POLQ: variants seen among roughly 807,000 people sequenced by gnomAD.
POLQ encodes epididymis secretory sperm binding protein.
POLQ carries 233 observed loss-of-function variants against 259.2 expected under a neutral mutation model. The observed-to-expected ratio is 0.90, with a 90% confidence interval of 0.81 to 1.00. The LOEUF (loss-of-function observed/expected upper bound fraction) is 1.00, where lower values mean the gene tolerates loss of function less well. Ranked by LOEUF, POLQ falls within the 50% of genes least tolerant of loss-of-function variation. The pLI, the probability that POLQ is intolerant of heterozygous loss-of-function variation, is 0.00. For synonymous variants in POLQ, 1,025 were observed against 1,048.8 expected, an observed-to-expected ratio of 0.98 and a Z score of 0.44; for missense variants, 2,871 against 3,051.6, an observed-to-expected ratio of 0.94 and a Z score of 1.39.
chr3:121,501,423 G>C (rs2048166608), intron 12 of POLQ, among the ~76,000 whole-genome samples: 1 of 151,152 alleles, frequency 6.6e-6, no homozygotes, highest in South Asian at 2.1e-4. Context: ...ACTTTGGGAG[G>C]CCGAGGCGGG....
At position 121,489,428 on chromosome 3, in the gene POLQ, A is replaced by G. The variant is rs1376864025; in HGVS notation, c.3503T>C (p.Ile1168Thr). 2.5e-6 allele frequency: 4 copies of G among 1,613,862 alleles called. No homozygotes were observed. Among genetic ancestry groups the G allele is most frequent in the Non-Finnish European group, 3.4e-6 (4 of 1,179,954 alleles). Residue 1168 changes from isoleucine to threonine, a missense_variant, in exon 16 of 30, where the codon ATA (isoleucine) becomes ACA (threonine). By Grantham distance (89) the Ile-to-Thr change is moderately conservative (BLOSUM62 -1). Coordinates refer to ENST00000264233, the MANE Select transcript of POLQ (RefSeq NM_199420.4). ...ACCATTTTGTATCAGCACTTCATTT[A>G]TTTTTTCTGCCTCAACAGCTACTCC... ...GRGVAVEAEKINEVLIQNGSK... is the reference protein window; with the variant it reads ...GRGVAVEAEKTNEVLIQNGSK...
At position 121,487,301 on chromosome 3, in the gene POLQ, C is replaced by T. The variant is rs1271414450; in HGVS notation, c.5629+1G>A. The T allele has an allele frequency of 6.6e-7, 1 of 1,524,614 alleles. No homozygotes were observed. Among genetic ancestry groups the T allele is most frequent in the Admixed American group, 2.2e-5 (1 of 45,164 alleles). The allele number at this position is 1,524,614 out of a possible 1,614,324, so 94.4% of individuals were successfully genotyped here. ...AAAAATAAAATTAAAAAAATTCTTA[C>T]CTTGCTTAAACCTACTGCCAATAGT... On this transcript the variant is annotated splice_donor_variant, in intron 16 of 29. Coordinates refer to ENST00000264233, the MANE Select transcript of POLQ (RefSeq NM_199420.4). LOFTEE classifies it high-confidence loss of function.
intron 12 of POLQ, among the ~76,000 whole-genome samples, chr3:121,506,043 T>C (rs989478581): frequency 2.6e-5 from 3 of 117,170 alleles, no homozygotes; most frequent in African/African-American, 9.3e-5. Context: ...AAAAAAAAAA[T>C]AGGGGGATCA....
intron 9 of POLQ, among the ~76,000 whole-genome samples, chr3:121,516,952 T>C (rs1048965944): frequency 1.3e-5 from 2 of 152,208 alleles, no homozygotes; most frequent in Non-Finnish European, 2.9e-5. Context: ...TATATTTTAG[T>C]TCTGTTTGAG....
At chr3:121,494,202 T>C in intron 14 of POLQ, 2 of 1,360,360 alleles carry the variant, frequency 1.5e-6, no homozygotes, top group South Asian at 2.4e-5. Context: ...TGAATCCCGT[T>C]TGTGAAAAGG....
chr3:121,533,201 T>G lies in POLQ; in HGVS notation c.749A>C (p.Asp250Ala), dbSNP rs73179915. Residue 250 changes from aspartate to alanine, a missense_variant, in exon 6 of 30, where the codon GAT (aspartate) becomes GCT (alanine). Coordinates refer to ENST00000264233, the MANE Select transcript of POLQ (RefSeq NM_199420.4). ...AGCATTAGACAGAGAACTGGCTAGATCTGCCTGACTGTAAAAAAACAAATG... is the reference window on the plus strand; with the variant it reads ...AGCATTAGACAGAGAACTGGCTAGAGCTGCCTGACTGTAAAAAAACAAATG... ...ITRKSASCQADLASSLSNAVQ... is the reference protein window; with the variant it reads ...ITRKSASCQAALASSLSNAVQ... 1.5e-3 allele frequency: 2,358 copies of G among 1,565,068 alleles called. 3 individuals are homozygous for G. Among genetic ancestry groups the G allele is most frequent in the Non-Finnish European group, 1.8e-3 (2,120 of 1,154,766 alleles).
Position 121,487,838 on chromosome 3 carries a change from T to A in POLQ, c.5093A>T (p.Asn1698Ile), listed in dbSNP as rs772383367. Residue 1698 changes from asparagine (N) to isoleucine (I), a missense_variant, in exon 16 of 30, where the codon AAT becomes ATT. Around this residue, in one of 3 missense-constraint regions of POLQ, gnomAD observed 2,080 missense variants for 2,126.0 expected, o/e 0.98. Coordinates refer to ENST00000264233, the MANE Select transcript of POLQ (RefSeq NM_199420.4). Reference sequence around the variant, plus strand: ...CTCAATCTTGCTTTTTACTTCATTATTAGAAGAAAATGAAATTCCCTGCAC... The same window carrying A: ...CTCAATCTTGCTTTTTACTTCATTAATAGAAGAAAATGAAATTCCCTGCAC... ...KQVQGISFSS[N>I]NEVKSKIEML... is the part of the protein sequence containing the mutation. 1 of 1,610,540 alleles carries A rather than the reference T, an allele frequency of 6.2e-7. No homozygotes were observed. The highest frequency in any genetic ancestry group is 8.5e-7 in the Non-Finnish European group (1 of 1,179,032).
At chr3:121,492,486 AG>A (rs377465730) in intron 15 of POLQ, among the ~76,000 whole-genome samples, 171 of 152,344 alleles carry the variant, frequency 1.1e-3, no homozygotes, top group Non-Finnish European at 2.1e-3. Context: ...AACATTTCAG[AG>A]GAATGTATTT....
chr3:121,507,723 C>G (rs1313738033), intron 12 of POLQ, among the ~76,000 whole-genome samples: 1 of 151,996 alleles, frequency 6.6e-6, no homozygotes, highest in Non-Finnish European at 1.5e-5. Context: ...TGAGACTCTA[C>G]TCAAAAAATA....
chr3:121,453,987 T>C (rs1160754901), intron 25 of POLQ, among the ~76,000 whole-genome samples: 2 of 152,126 alleles, frequency 1.3e-5, no homozygotes, highest in Non-Finnish European at 2.9e-5. Context: ...GAGACAAAGG[T>C]CGGGTTACCC....
At chr3:121,449,546 A>G in intron 25 of POLQ, 120 bp from the exon 26 acceptor site, 2 of 688,708 alleles carry the variant, frequency 2.9e-6, no homozygotes, top group Non-Finnish European at 2.7e-6. Context: ...CAATGATTAG[A>G]TTGCTTTTGG....
At chr3:121,480,436 T>A (rs1178373320) in intron 19 of POLQ, among the ~76,000 whole-genome samples, 1 of 152,136 alleles carries the variant, frequency 6.6e-6, no homozygotes, top group Non-Finnish European at 1.5e-5. Flanking sequence ...ATTCTTGAAT[T>A]CTATGAATAA....
At chr3:121,433,337 T>C (rs1302698451) in intron 28 of POLQ, among the ~76,000 whole-genome samples, 2 of 152,198 alleles carry the variant, frequency 1.3e-5, no homozygotes, top group African/African-American at 4.8e-5. Context: ...TCTCTATCCA[T>C]GGAGTCCCCC....
At chr3:121,528,509 A>G in intron 7 of POLQ, among the ~76,000 whole-genome samples, 1 of 151,784 alleles carries the variant, frequency 6.6e-6, no homozygotes, top group East Asian at 2.0e-4. Context: ...ACACCCAGCT[A>G]ATTTTTTGTA....
At chr3:121,509,248 T>G (rs2048233295) in intron 12 of POLQ, among the ~76,000 whole-genome samples, 1 of 152,214 alleles carries the variant, frequency 6.6e-6, no homozygotes, top group Non-Finnish European at 1.5e-5. Flanking sequence ...TACATCATGA[T>G]CCGATCTTTA....
chr3:121,514,150 G>A lies in POLQ; in HGVS notation c.1469-2121C>T, dbSNP rs192157464. On this transcript the variant is annotated intron_variant, in intron 9 of 29. Transcript: ENST00000264233. ...TCAAGACTAGCCTAACCAACATGGT[G>A]AAACCCCATCTCTACTAAAAATACA... 6.8e-5 allele frequency among the ~76,000 whole-genome samples: 10 copies of A among 146,238 alleles called. No homozygotes were observed. In the East Asian group the frequency reaches 1.4e-3, roughly 21 times the overall value.
chr3:121,460,201 A>G lies in POLQ; in HGVS notation c.7001T>C (p.Leu2334Pro). 1 of 1,613,860 alleles carries G rather than the reference A, an allele frequency of 6.2e-7. No individual in the cohort carries two copies. Among genetic ancestry groups the G allele is most frequent in the African/African-American group, 1.3e-5 (1 of 75,044 alleles). Residue 2334 changes from leucine (L) to proline (P), a missense_variant, in exon 25 of 30, where the codon CTT (leucine) becomes CCT (proline). This residue lies in a region of POLQ where 2,080 missense variants were observed against 2,126.0 expected (regional missense o/e 0.98). Transcript: ENST00000264233. ...TAAATGAGCCAAGATCCTCAGTTCAAGCTGAGAGTAGTCAGCAGCCAGTAT... is the reference window on the plus strand; with the variant it reads ...TAAATGAGCCAAGATCCTCAGTTCAGGCTGAGAGTAGTCAGCAGCCAGTAT... ...GSILAADYSQ[L>P]ELRILAHLSH...
intron 26 of POLQ, among the ~76,000 whole-genome samples, chr3:121,448,751 GGAT>G (rs2047649910): frequency 6.6e-6 from 1 of 152,174 alleles, no homozygotes; most frequent in South Asian, 2.1e-4. Flanking sequence ...GAACTTTTTG[GGAT>G]GATAGAGTAA....
chr3:121,472,093 A>G lies in POLQ; in HGVS notation c.6615T>C (p.Asn2205=), dbSNP rs1178605910. ...GLILEWRRIT[N]AITKVVFPLQ... is the part of the protein sequence containing the mutation. ...GGGGAAAGACCACTTTGGTAATAGC[A>G]TTAGTGATTCTTCTCCATTCTAATA... The change falls in exon 22 of 30, where the codon AAT becomes AAC. Residue 2205 remains asparagine, a synonymous_variant. Transcript: ENST00000264233. 2 of 1,578,752 alleles carry G rather than the reference A, an allele frequency of 1.3e-6. No homozygotes were observed. Among genetic ancestry groups the G allele is most frequent in the Admixed American group, 1.7e-5 (1 of 59,686 alleles).
Sources: allele counts gnomAD v4.1 joint callset (sites outside exome capture counted in the v4.1 genomes callset), GRCh38; gene constraint gnomAD v4.1.1; regional missense constraint gnomAD v4.1.1; transcripts MANE v1.5; gene names NCBI Gene and HGNC (gene_info 2026-07-23, HGNC 2026-07-21).